The following ZFHX3 variants were observed in gnomAD, a reference collection of about 807,000 sequenced individuals.
ZFHX3 encodes the protein zinc finger homeobox protein 3.
In ZFHX3, 42 loss-of-function variants were observed where a neutral mutation model predicts 279.1. The observed-to-expected ratio is 0.15, with a 90% CI of 0.12 to 0.19. The LOEUF (loss-of-function observed/expected upper bound fraction) is 0.19, where lower values mean the gene tolerates loss of function less well. Among genes scored for constraint, ZFHX3 ranks in the 10% least tolerant of loss-of-function variants. ZFHX3 has a pLI of 1.00. For synonymous variants in ZFHX3, 2,293 were observed against 1,957.8 expected, an observed-to-expected ratio of 1.17 and a Z score of -4.52; for missense variants, 4,981 against 4,754.0, an observed-to-expected ratio of 1.05 and a Z score of -1.40.
chr16:72,793,374 T>G lies in ZFHX3; in HGVS notation c.9308A>C (p.Asn3103Thr), dbSNP rs1415626329. The G allele has an allele frequency of 6.2e-7, 1 of 1,614,154 alleles. No homozygotes were observed. Among genetic ancestry groups the G allele is most frequent in the East Asian group, 2.2e-5 (1 of 44,878 alleles). The change falls in exon 9 of 10, where the codon AAC becomes ACC. Residue 3103 changes from asparagine (N) to threonine (T), a missense_variant. Around this residue, in one of 7 missense-constraint regions of ZFHX3, gnomAD observed 1,034 missense variants for 786.0 expected, o/e 1.32. Coordinates refer to ENST00000268489, the MANE Select transcript of ZFHX3 (RefSeq NM_006885.4). This position sits in a 1 kb window ranked among gnomAD's most constrained non-coding sequence, Gnocchi z 4.3. ...LAAQQQGMFD[N>T]TPLQALNLPT... Reference sequence around the variant, plus strand: ...AAGGTTAAGGGCCTGAAGAGGGGTGTTGTCAAACATCCCTTGCTGCTGAGC... The same window carrying G: ...AAGGTTAAGGGCCTGAAGAGGGGTGGTGTCAAACATCCCTTGCTGCTGAGC...
At chr16:73,175,101 C>A (rs1034358458) in intron 5 of ZFHX3, among the ~76,000 whole-genome samples, 2 of 151,964 alleles carry the variant, frequency 1.3e-5, no homozygotes, top group Admixed American at 1.3e-4. Flanking sequence ...CCCACTTGGC[C>A]TGGTGTGGTG....
chr16:73,417,393 TTTC>T (rs1325953293), intron 3 of ZFHX3, among the ~76,000 whole-genome samples: 13 of 95,198 alleles, frequency 1.4e-4, no homozygotes, highest in African/African-American at 4.8e-4. Context: ...AATTTTTTCT[TTTC>T]TTTTTTTTTT....
At chr16:72,872,389 A>T (rs757663582) in intron 4 of ZFHX3, among the ~76,000 whole-genome samples, 1 of 152,152 alleles carries the variant, frequency 6.6e-6, no homozygotes, top group Non-Finnish European at 1.5e-5. Flanking sequence ...AGAATTCAAC[A>T]TGTGAAAGTA....
intron 5 of ZFHX3, among the ~76,000 whole-genome samples, chr16:73,228,022 T>A (rs1342915815): frequency 6.6e-6 from 1 of 152,162 alleles, no homozygotes; most frequent in African/African-American, 2.4e-5. Flanking sequence ...TATTATTATC[T>A]CCATTTTAAA....
At chr16:73,806,353 C>G (rs747098816) in intron 1 of ZFHX3, among the ~76,000 whole-genome samples, 4 of 152,194 alleles carry the variant, frequency 2.6e-5, no homozygotes, top group Non-Finnish European at 5.9e-5. Context: ...AATTGAGGAG[C>G]AGCAGGGAAG....
rs750069782 is a variant in ZFHX3, at chr16:72,795,748, G to A, written c.6934C>T (p.Arg2312Trp). ...ENQGEGKDGE[R>W]RELTNDRYIR... ...TATCTATCATTTGTAAGCTCACGCC[G>A]CTCTCCATCTTTGCCCTCTCCCTGA... The change falls in exon 9 of 10, where the codon CGG becomes TGG. Residue 2312 changes from arginine to tryptophan, a missense_variant. By Grantham distance (101) the Arg-to-Trp change is moderately radical. Coordinates refer to ENST00000268489, the MANE Select transcript of ZFHX3 (RefSeq NM_006885.4). 5.0e-6 allele frequency: 8 copies of A among 1,614,132 alleles called. No individual in the cohort carries two copies. The highest frequency in any genetic ancestry group is 3.3e-5 in the South Asian group (3 of 91,076).
chr16:73,726,381 G>GA (rs1157113640), intron 1 of ZFHX3, among the ~76,000 whole-genome samples: 2 of 152,212 alleles, frequency 1.3e-5, no homozygotes, highest in Non-Finnish European at 2.9e-5. Context: ...GGATGGACTA[G>GA]AAGGAGGTTT....
intron 3 of ZFHX3, among the ~76,000 whole-genome samples, chr16:73,423,881 G>A: frequency 6.6e-6 from 1 of 150,496 alleles, no homozygotes; most frequent in East Asian, 2.0e-4. Flanking sequence ...AAAAAAAAGT[G>A]AGAGAGATCT....
intron 5 of ZFHX3, chr16:73,143,881 AACCTT>A (rs1966854023): frequency 2.3e-6 from 2 of 851,456 alleles, no homozygotes. Context: ...ATGTTTGGCA[AACCTT>A]CGCAGGCCAA....
At chr16:73,125,763 A>C (rs1966558353) in intron 7 of ZFHX3, among the ~76,000 whole-genome samples, 1 of 151,850 alleles carries the variant, frequency 6.6e-6, no homozygotes, top group African/African-American at 2.4e-5. Context: ...GTGTGAGTTA[A>C]TACTTAATAA....
At chr16:73,484,094 C>G (rs940229337) in intron 2 of ZFHX3, among the ~76,000 whole-genome samples, 5 of 152,034 alleles carry the variant, frequency 3.3e-5, no homozygotes, top group Middle Eastern at 6.8e-3. Context: ...TTCTGTTGCC[C>G]GAGCCCAGGG....
chr16:73,154,035 C>G (rs113892188), intron 5 of ZFHX3, among the ~76,000 whole-genome samples: 1 of 152,148 alleles, frequency 6.6e-6, no homozygotes, highest in Non-Finnish European at 1.5e-5. Context: ...CCAAATCACA[C>G]GTCTGCAGAG....
chr16:73,095,055 C>A (rs1966142772), intron 7 of ZFHX3, among the ~76,000 whole-genome samples: 1 of 151,732 alleles, frequency 6.6e-6, no homozygotes, highest in Admixed American at 6.6e-5. Context: ...AGTTAAAAAT[C>A]CTGAAAACCA....
chr16:73,841,480 G>C (rs975050687), intron 1 of ZFHX3, among the ~76,000 whole-genome samples: 2 of 151,982 alleles, frequency 1.3e-5, no homozygotes, highest in Non-Finnish European at 2.9e-5. Flanking sequence ...CTGGGAGATC[G>C]GCATGACCAA....
At chr16:72,925,197 G>A (rs1038813670) in intron 3 of ZFHX3, among the ~76,000 whole-genome samples, 11 of 152,138 alleles carry the variant, frequency 7.2e-5, no homozygotes, top group African/African-American at 1.9e-4. Context: ...CTGTGCTATC[G>A]AAATCGGTCG....
intron 3 of ZFHX3, among the ~76,000 whole-genome samples, chr16:72,893,309 A>G (rs2038817819): frequency 6.6e-6 from 1 of 152,238 alleles, no homozygotes; most frequent in Non-Finnish European, 1.5e-5. Context: ...CCTATGAAAC[A>G]GGATTTCCTC....
intron 1 of ZFHX3, among the ~76,000 whole-genome samples, chr16:73,834,364 C>G (rs1961082422): frequency 6.6e-6 from 1 of 152,184 alleles, no homozygotes; most frequent in East Asian, 1.9e-4. Context: ...GTAGAGTAAA[C>G]TGTCTGGTAA....
chr16:73,853,600 T>C (rs1961644711), intron 1 of ZFHX3, among the ~76,000 whole-genome samples: 1 of 152,158 alleles, frequency 6.6e-6, no homozygotes, highest in East Asian at 1.9e-4. Context: ...ATACTGCATG[T>C]TCTCACTTAT....
chr16:72,798,268 C>A lies in ZFHX3; in HGVS notation c.4414G>T (p.Asp1472Tyr). ...GTGGGGTCTCCCATTGCCAGGAGGT[C>A]CCCATTGGCCAGCAGGCCACCATAA... ...QLYGGLLANG[D>Y]LLAMGDPTLA... Residue 1472 changes from aspartate (D) to tyrosine (Y), a missense_variant, in exon 9 of 10, where the codon GAC becomes TAC. Around this residue, in one of 7 missense-constraint regions of ZFHX3, gnomAD observed 1,751 missense variants for 1,770.0 expected, o/e 0.99. Transcript: ENST00000268489. The A allele has an allele frequency of 6.2e-7, 1 of 1,614,136 alleles. No individual in the cohort carries two copies. The highest frequency in any genetic ancestry group is 8.5e-7 in the Non-Finnish European group (1 of 1,180,020).
Sources: gnomAD v4.1 joint callset for allele counts (sites outside exome capture counted in the v4.1 genomes callset) on GRCh38, gnomAD v4.1.1 for gene constraint, gnomAD v4.1.1 regional missense constraint, Gnocchi (gnomAD v3.1) non-coding constraint, MANE v1.5 for transcripts, NCBI Gene and HGNC (gene_info 2026-07-23, HGNC 2026-07-21) for gene names.